The following PLXDC2 variants were observed in gnomAD, a reference collection of about 807,000 sequenced individuals.
PLXDC2 encodes the protein plexin domain containing 2, also known as plexin domain-containing protein 2.
In PLXDC2, 40 loss-of-function variants were observed where a neutral mutation model predicts 68.9. The observed-to-expected ratio is 0.58, with a 90% confidence interval of 0.45 to 0.76. The LOEUF is 0.76. Ranked by LOEUF, PLXDC2 falls within the 30% of genes least tolerant of loss-of-function variation. The pLI is 0.00. For missense variants in PLXDC2, 644 were observed against 661.9 expected (o/e 0.97, Z 0.30); for synonymous variants, 243 against 234.2 (o/e 1.04, Z -0.34).
rs549833271 is a variant in PLXDC2 at position 19,859,525 on chromosome 10, A to G, written c.112+42334A>G. Among the ~76,000 whole-genome samples, 4 of 152,270 alleles carry G rather than the reference A, an allele frequency of 2.6e-5. No individual in the cohort carries two copies. The South Asian group carries it at 8.3e-4, about 32-fold the overall frequency. On this transcript the variant is annotated intron_variant, in intron 1 of 13. Transcript: ENST00000377252. The stretch of plus-strand genomic sequence containing the variant: ...ATATGTAATATGCAAATAATATGTA[A>G]TTGAAATTACATATTAATTTCAGAC...
At chr10:20,200,826 G>T (rs779292405) in intron 9 of PLXDC2, among the ~76,000 whole-genome samples, 2 of 151,746 alleles carry the variant, frequency 1.3e-5, no homozygotes, top group Admixed American at 6.6e-5. Flanking sequence ...CCACAATGAG[G>T]TATCATCTCA....
chr10:20,210,371 C>T (rs975389267), intron 9 of PLXDC2, among the ~76,000 whole-genome samples: 1 of 152,074 alleles, frequency 6.6e-6, no homozygotes, highest in South Asian at 2.1e-4. Context: ...CCATAGTTAA[C>T]CATGGATAAC....
intron 1 of PLXDC2, among the ~76,000 whole-genome samples, chr10:19,981,259 A>C (rs1196220535): frequency 6.6e-6 from 1 of 152,220 alleles, no homozygotes; most frequent in African/African-American, 2.4e-5. Context: ...GAAGAGACAA[A>C]GCAATTTGAA....
chr10:19,868,246 G>GT (rs1476225719), intron 1 of PLXDC2, among the ~76,000 whole-genome samples: 1 of 152,076 alleles, frequency 6.6e-6, no homozygotes, highest in African/African-American at 2.4e-5. Flanking sequence ...CCGATAGGTA[G>GT]TTTTTTTGAT....
At chr10:19,993,472 T>G (rs1403909128) in intron 1 of PLXDC2, among the ~76,000 whole-genome samples, 1 of 152,214 alleles carries the variant, frequency 6.6e-6, no homozygotes. Context: ...ATGGCTGGAG[T>G]GCAGTGGTGC....
In PLXDC2 at chr10:19,883,006, G is replaced by T. The variant is rs551396002; in HGVS notation, c.112+65815G>T. 4.7e-5 allele frequency among the ~76,000 whole-genome samples: 7 copies of T among 150,176 alleles called. No individual in the cohort carries two copies. The South Asian group carries it at 1.1e-3, about 23-fold the overall frequency. ...GAGTCTCACTTTGTCGCCCAGGCTG[G>T]AGTGCAGTGGCTCGATCTCGGCTCA... On this transcript the variant is annotated intron_variant, in intron 1 of 13. Transcript: ENST00000377252.
intron 1 of PLXDC2, among the ~76,000 whole-genome samples, chr10:19,999,598 T>C (rs76714989): frequency 0.029 from 4,419 of 152,186 alleles, 140 homozygotes; most frequent in Non-Finnish European, 0.038. Flanking sequence ...CATGACTCTT[T>C]GTGTTTGCAT....
In PLXDC2 at chr10:20,027,694, A is replaced by AG. The variant is rs1341463200; in HGVS notation, c.325-19175_325-19174insG. 3.3e-5 allele frequency among the ~76,000 whole-genome samples: 5 copies of AG among 150,942 alleles called. No individual in the cohort carries two copies. In the East Asian group the frequency reaches 9.7e-4, roughly 29 times the overall value. On this transcript the variant is annotated intron_variant, in intron 2 of 13. Transcript: ENST00000377252. ...TTGTTTTGAAGCTGGGACAACCTGA[A>AG]AAAAAAAAAAACCCCATAAAATTCT...
chr10:19,863,097 A>C (rs957805215), intron 1 of PLXDC2, among the ~76,000 whole-genome samples: 3 of 152,198 alleles, frequency 2.0e-5, no homozygotes, highest in African/African-American at 4.8e-5. Context: ...TTACCATGTA[A>C]AATGAACCAC....
intron 1 of PLXDC2, among the ~76,000 whole-genome samples, chr10:19,969,278 A>G (rs1834311726): frequency 6.6e-6 from 1 of 152,168 alleles, no homozygotes; most frequent in Admixed American, 6.5e-5. Flanking sequence ...TTAAGGGGAA[A>G]TCAAATACAT....
intron 13 of PLXDC2, among the ~76,000 whole-genome samples, chr10:20,246,045 C>T (rs1457325254): frequency 6.6e-6 from 1 of 152,170 alleles, no homozygotes; most frequent in Non-Finnish European, 1.5e-5. Context: ...AATGTATGTA[C>T]ACTTGTACAT....
At chr10:19,937,677 C>T (rs1833749293) in intron 1 of PLXDC2, among the ~76,000 whole-genome samples, 1 of 151,158 alleles carries the variant, frequency 6.6e-6, no homozygotes, top group Non-Finnish European at 1.5e-5. Flanking sequence ...TGGAATGTAA[C>T]TCAGAAAAAC....
intron 4 of PLXDC2, among the ~76,000 whole-genome samples, chr10:20,128,450 A>G (rs755011224): frequency 4.6e-5 from 7 of 152,190 alleles, no homozygotes; most frequent in Non-Finnish European, 7.3e-5. Flanking sequence ...TTGTGAAACA[A>G]TTACCGCTAT....
rs1377420705 is a variant in PLXDC2, at chr10:20,283,513, GA to G, written c.*3699del. 1 of 152,176 alleles carries G rather than the reference GA, an allele frequency of 6.6e-6. No individual in the cohort carries two copies. Among genetic ancestry groups the G allele is most frequent in the Non-Finnish European group, 1.5e-5 (1 of 68,038 alleles). 9.4% of individuals were successfully genotyped at this position (152,176 alleles called of 1,614,324 possible). A position where few individuals can be genotyped will look rare whatever the true frequency, so the allele number is the denominator to read the frequency against. ...GTAATCAGTTCATCACGTATCTTGA[GA>G]AAAAGAGAATGCATTCAAAACACAA... On this transcript the variant is annotated 3_prime_UTR_variant, in exon 14 of 14. Coordinates refer to ENST00000377252, the MANE Select transcript of PLXDC2 (RefSeq NM_032812.9).
At chr10:19,970,617 G>A (rs1370629469) in intron 1 of PLXDC2, among the ~76,000 whole-genome samples, 1 of 152,186 alleles carries the variant, frequency 6.6e-6, no homozygotes. Context: ...TCATTGAGAA[G>A]ATAGATATGG....
At chr10:20,255,721 C>G (rs1835733869) in intron 13 of PLXDC2, among the ~76,000 whole-genome samples, 1 of 151,956 alleles carries the variant, frequency 6.6e-6, no homozygotes, top group African/African-American at 2.4e-5. Context: ...GTAAAATTTT[C>G]AGAGACCAAA....
chr10:20,021,477 A>T (rs1020332818), intron 2 of PLXDC2, among the ~76,000 whole-genome samples: 1 of 151,976 alleles, frequency 6.6e-6, no homozygotes, highest in Non-Finnish European at 1.5e-5. Flanking sequence ...TCTGTTTTAG[A>T]CATTTTAATT....
intron 1 of PLXDC2, among the ~76,000 whole-genome samples, chr10:19,870,043 C>A (rs1431155117): frequency 6.6e-6 from 1 of 152,128 alleles, no homozygotes; most frequent in African/African-American, 2.4e-5. Flanking sequence ...CTCACATAGT[C>A]TTGGAGAGGA....
intron 1 of PLXDC2, among the ~76,000 whole-genome samples, chr10:19,897,414 T>C (rs960003976): frequency 3.3e-5 from 5 of 151,938 alleles, no homozygotes; most frequent in Admixed American, 6.6e-5. Flanking sequence ...TAGTTTTGTA[T>C]TGTTTTTTTT....
Sources: allele counts gnomAD v4.1 joint callset (sites outside exome capture counted in the v4.1 genomes callset), GRCh38; gene constraint gnomAD v4.1.1; transcripts MANE v1.5; gene names NCBI Gene and HGNC (gene_info 2026-07-23, HGNC 2026-07-21).